TMEM214: variants seen among roughly 807,000 people sequenced by gnomAD.
TMEM214 encodes the protein transmembrane protein 214.
In TMEM214, 71 loss-of-function variants were observed where a neutral mutation model predicts 89.8. The ratio of observed to expected loss-of-function variants is 0.79; its 90% confidence interval spans 0.65 to 0.96. TMEM214 has a LOEUF of 0.96. TMEM214 is among the 40% of genes least tolerant of loss of function. TMEM214 has a pLI of 0.00. For missense variants in TMEM214, 754 were observed against 843.4 expected (o/e 0.89, Z 1.31); for synonymous variants, 332 against 349.5 (o/e 0.95, Z 0.56).
In TMEM214 at chr2:27,041,256, T is replaced by A. The variant is rs753379282; in HGVS notation, c.*419T>A. On this transcript the variant is annotated 3_prime_UTR_variant, in exon 17 of 17. Transcript: ENST00000238788. ...CCTGCTTCTCCAGACTTTAGCAGCC[T>A]CCTGTTCCCATTCTTGGTCACAGCT... 3 of 172,308 alleles carry A rather than the reference T, an allele frequency of 1.7e-5. No individual in the cohort carries two copies. Among genetic ancestry groups the A allele is most frequent in the Non-Finnish European group, 3.8e-5 (3 of 78,436 alleles). The allele number at this position is 172,308 out of a possible 1,614,324, so 10.7% of individuals were successfully genotyped here.
intron 2 of TMEM214, 24 bp from the exon 3 acceptor site, chr2:27,035,111 G>T: frequency 1.2e-6 from 2 of 1,612,664 alleles, no homozygotes; most frequent in Non-Finnish European, 8.5e-7. Flanking sequence ...CCATGGTGGG[G>T]GGTTGGGGGA....
chr2:27,040,607 T>C (rs1237562952), intron 16 of TMEM214, 104 bp from the exon 17 acceptor site: 1 of 1,585,236 alleles, frequency 6.3e-7, no homozygotes, highest in African/African-American at 1.3e-5. Context: ...CTCGCTCCCA[T>C]TCCTGGCCAC....
intron 8 of TMEM214, 135 bp downstream of exon 8, chr2:27,037,313 G>A (rs1301087607): frequency 3.5e-6 from 3 of 868,060 alleles, no homozygotes; most frequent in Admixed American, 2.0e-5. Flanking sequence ...AGGTTTCAAG[G>A]GAACAGTGAC....
chr2:27,035,639 G>A lies in TMEM214; in HGVS notation c.548G>A (p.Arg183Gln), dbSNP rs368363508. Residue 183 changes from arginine (R) to glutamine (Q), a missense_variant, in exon 4 of 17, where the codon CGA becomes CAA. Coordinates refer to ENST00000238788, the MANE Select transcript of TMEM214 (RefSeq NM_017727.5). ...AGCCGGGAGCTACGTGGGATCATCC[G>A]AGGGCTGCTGGCGAAGGCAGCAGGG... ...LVSRELRGII[R>Q]GLLAKAAGSL... The A allele has an allele frequency of 5.0e-5, 80 of 1,614,086 alleles. No individual in the cohort carries two copies. Among genetic ancestry groups the A allele is most frequent in the Non-Finnish European group, 6.6e-5 (78 of 1,180,034 alleles).
In TMEM214 at chr2:27,040,496, G is replaced by A. The variant is rs1471130398; in HGVS notation, c.1943G>A (p.Arg648Lys). The A allele has an allele frequency of 6.2e-7, 1 of 1,613,220 alleles. No individual in the cohort carries two copies. The highest frequency in any genetic ancestry group is 1.7e-5 in the Admixed American group (1 of 60,014). ...WAQEHCHEAC[R>K]GEVTWDCMKT... ...CAGGAGCACTGCCATGAGGCATGCA[G>A]GTGAGACCTTTGCCCAGGGCTCCGG... Residue 648 changes from arginine (R) to lysine (K), a missense_variant and splice_region_variant, in exon 16 of 17, where the codon AGA (arginine) becomes AAA (lysine). Physicochemically the swap from Arg to Lys is conservative, Grantham distance 26. Coordinates refer to ENST00000238788, the MANE Select transcript of TMEM214 (RefSeq NM_017727.5).
Position 27,041,463 on chromosome 2 carries a change from C to A in TMEM214, c.*626C>A. ...ATGCCTCTAAGCCCCTCCCTGTCCC[C>A]TCCCTTGTAGTCCTACTTCTTCCAA... On this transcript the variant is annotated 3_prime_UTR_variant, in exon 17 of 17. Transcript: ENST00000238788. The A allele has an allele frequency of 6.5e-6, 1 of 154,624 alleles. No homozygotes were observed. The allele number at this position is 154,624 out of a possible 1,614,324, so 9.6% of individuals were successfully genotyped here. A position where few individuals can be genotyped will look rare whatever the true frequency, so the allele number is the denominator to read the frequency against.
chr2:27,039,112 CT>C lies in TMEM214; in HGVS notation c.1475del (p.Phe492SerfsTer3). On this transcript the variant is annotated frameshift_variant, in exon 13 of 17. Transcript: ENST00000238788. LOFTEE classifies it high-confidence loss of function. ...WTRLLLLLLVFAVGFLCHDLR... is the reference protein window; with the variant it reads ...WTRLLLLLLVXAVGFLCHDLR... ...CGCGGCTCCTCCTGTTGCTGCTGGT[CT>C]TCGCTGTAGGCTTCCTGTGCCATGA... The C allele has an allele frequency of 6.2e-7, 1 of 1,613,986 alleles. No individual in the cohort carries two copies. The highest frequency in any genetic ancestry group is 8.5e-7 in the Non-Finnish European group (1 of 1,180,046).
At chr2:27,033,683 G>C (rs1667430207) in intron 1 of TMEM214, among the ~76,000 whole-genome samples, 1 of 152,210 alleles carries the variant, frequency 6.6e-6, no homozygotes, top group South Asian at 2.1e-4. Context: ...GCCACTTGTT[G>C]ATTATAGAGT....
chr2:27,037,648 C>T lies in TMEM214; in HGVS notation c.1098C>T (p.Phe366=), dbSNP rs371985684. The stretch of plus-strand genomic sequence containing the variant: ...CGGATTCCACCCTGCATACCTACTT[C>T]CCTTCTTTCCTGTCCAGAGCCACCC... The part of the protein sequence containing the change: ...AKPDSTLHTY[F]PSFLSRATPS... The change falls in exon 9 of 17, where the codon TTC becomes TTT. Residue 366 remains phenylalanine (F), a synonymous_variant. Transcript: ENST00000238788. 1 of 1,614,208 alleles carries T rather than the reference C, an allele frequency of 6.2e-7. No individual in the cohort carries two copies. Among genetic ancestry groups the T allele is most frequent in the East Asian group, 2.2e-5 (1 of 44,878 alleles).
chr2:27,037,684 C>T lies in TMEM214; in HGVS notation c.1134C>T (p.Pro378=). 1 of 1,614,172 alleles carries T rather than the reference C, an allele frequency of 6.2e-7. No individual in the cohort carries two copies. Among genetic ancestry groups the T allele is most frequent in the Non-Finnish European group, 8.5e-7 (1 of 1,180,028 alleles). Residue 378 remains proline (P), a synonymous_variant, in exon 9 of 17, where the codon CCC becomes CCT. Transcript: ENST00000238788. ...TGTCCAGAGCCACCCCTAGCTGTCC[C>T]CCTGAGATGAAGAAAGAGGTGAGGA... is the stretch of plus-strand genomic sequence containing the variant. ...SFLSRATPSC[P]PEMKKELLSS... is the part of the protein sequence containing the mutation.
chr2:27,037,487 G>T (rs1395310837), intron 8 of TMEM214, 74 bp from the exon 9 acceptor site: 26 of 1,591,756 alleles, frequency 1.6e-5, no homozygotes, highest in Non-Finnish European at 2.2e-5. Flanking sequence ...CATGGGCTCT[G>T]AAGCAAGCAA....
At chr2:27,036,839 T>A in intron 7 of TMEM214, 53 bp downstream of exon 7, 2 of 1,583,556 alleles carry the variant, frequency 1.3e-6, no homozygotes, top group Non-Finnish European at 1.7e-6. Context: ...CAAGTGGCTG[T>A]TATAGCAAAA....
Position 27,038,135 on chromosome 2 carries a change from G to T in TMEM214, c.1153-11G>T. 6.2e-7 allele frequency: 1 copy of T among 1,614,000 alleles called. No homozygotes were observed. Among genetic ancestry groups the T allele is most frequent in the Non-Finnish European group, 8.5e-7 (1 of 1,179,970 alleles). ...GCCCCCAGCAGCCTCTCCCTCTGTC[G>T]TGCTGTGCAGCTCCTGAGCAGCCTG... On this transcript the variant is annotated splice_polypyrimidine_tract_variant and intron_variant, in intron 9 of 16. Coordinates refer to ENST00000238788, the MANE Select transcript of TMEM214 (RefSeq NM_017727.5). This position sits in a 1 kb window ranked among gnomAD's most constrained non-coding sequence, Gnocchi z 4.4.
intron 7 of TMEM214, 94 bp downstream of exon 7, chr2:27,036,880 A>G: frequency 7.4e-7 from 1 of 1,350,544 alleles, no homozygotes; most frequent in Non-Finnish European, 1.1e-6. Flanking sequence ...CTCCATGGAT[A>G]TGAGGAAAAT....
chr2:27,035,034 T>A, intron 2 of TMEM214, 101 bp from the exon 3 acceptor site: 1 of 1,355,686 alleles, frequency 7.4e-7, no homozygotes, highest in Non-Finnish European at 1.0e-6. Context: ...CCCTTCTTCC[T>A]ACTGCCACCT....
chr2:27,033,634 G>A (rs114776835), intron 1 of TMEM214, among the ~76,000 whole-genome samples: 141 of 152,292 alleles, frequency 9.3e-4, no homozygotes, highest in African/African-American at 3.1e-3. Flanking sequence ...GGAATTATAA[G>A]TGACACCTGG....
chr2:27,037,121 A>G lies in TMEM214; in HGVS notation c.953A>G (p.Lys318Arg), dbSNP rs770530938. The G allele has an allele frequency of 9.9e-6, 16 of 1,614,120 alleles. No individual in the cohort carries two copies. Among genetic ancestry groups the G allele is most frequent in the Non-Finnish European group, 9.3e-6 (11 of 1,180,010 alleles). ...AAGGGCTTCGGCATGATTGGCCCCA[A>G]GGACTTCTTCCCACTTCTGGACTTT... ...LTKGFGMIGP[K>R]DFFPLLDFAY... is the part of the protein sequence containing the mutation. The change falls in exon 8 of 17, where the codon AAG becomes AGG. Residue 318 changes from lysine (K) to arginine (R), a missense_variant. Physicochemically the swap from Lys to Arg is conservative, Grantham distance 26. Transcript: ENST00000238788.
Position 27,040,388 on chromosome 2 carries a change from A to G in TMEM214, c.1835A>G (p.Tyr612Cys), listed in dbSNP as rs766782710. The stretch of plus-strand genomic sequence containing the variant: ...GATTCCGTGAATCAGCTACTCCGCT[A>G]TCTGAGAGAGCTGCCCCTGCTTTTC... ...LPDSVNQLLR[Y>C]LRELPLLFHQ... Residue 612 changes from tyrosine (Y) to cysteine (C), a missense_variant, in exon 16 of 17, where the codon TAT becomes TGT. Tyr to Cys is a radical substitution (Grantham distance 194). Transcript: ENST00000238788. 2.5e-6 allele frequency: 4 copies of G among 1,614,108 alleles called. No individual in the cohort carries two copies. Among genetic ancestry groups the G allele is most frequent in the South Asian group, 2.2e-5 (2 of 91,094 alleles).
chr2:27,033,188 C>T (rs1189235204), intron 1 of TMEM214, 22 bp downstream of exon 1: 2 of 1,247,022 alleles, frequency 1.6e-6, no homozygotes, highest in Non-Finnish European at 2.0e-6. Context: ...CCCTGCCCCG[C>T]CGCCTACCCC....
Sources: gnomAD v4.1 joint callset for allele counts (sites outside exome capture counted in the v4.1 genomes callset) on GRCh38, gnomAD v4.1.1 for gene constraint, Gnocchi (gnomAD v3.1) non-coding constraint, MANE v1.5 for transcripts, NCBI Gene and HGNC (gene_info 2026-07-23, HGNC 2026-07-21) for gene names.